Variants in UNC13C observed in about 807,000 individuals in gnomAD.
The protein encoded by UNC13C is unc-13 homolog C.
UNC13C carries 174 observed loss-of-function variants against 245.4 expected under a neutral mutation model. The ratio of observed to expected loss-of-function variants is 0.71; its 90% CI spans 0.63 to 0.80. UNC13C has a LOEUF of 0.80. UNC13C is among the 30% of genes least tolerant of loss of function. The probability of loss-of-function intolerance (pLI) is 0.00; values close to 1 mark genes in which losing one functional copy is unlikely to be tolerated. For missense variants in UNC13C, 2,829 were observed against 2,602.9 expected (o/e 1.09, Z -1.89); for synonymous variants, 992 against 895.1 (o/e 1.11, Z -1.93).
At chr15:54,167,206 T>A (rs940749994) in intron 4 of UNC13C, among the ~76,000 whole-genome samples, 1 of 151,730 alleles carries the variant, frequency 6.6e-6, no homozygotes, top group Non-Finnish European at 1.5e-5. Flanking sequence ...AGCAACCCAA[T>A]AGGAAAAGAG....
chr15:54,574,270 C>T (rs369821315), intron 30 of UNC13C, among the ~76,000 whole-genome samples: 8 of 152,082 alleles, frequency 5.3e-5, no homozygotes, highest in East Asian at 3.8e-4. Context: ...CAAAATTTGA[C>T]TCAGTGGTTT....
At chr15:54,404,130 CTT>C (rs2040244920) in intron 18 of UNC13C, among the ~76,000 whole-genome samples, 2 of 152,280 alleles carry the variant, frequency 1.3e-5, no homozygotes, top group Admixed American at 6.5e-5. Context: ...CAAACTGTCT[CTT>C]AAGTTCTAGC....
chr15:54,562,949 G>T (rs574477791), intron 29 of UNC13C, among the ~76,000 whole-genome samples: 1 of 152,100 alleles, frequency 6.6e-6, no homozygotes, highest in East Asian at 1.9e-4. Flanking sequence ...TTGATGCATG[G>T]TCAGATTTCA....
chr15:54,019,083 T>A (rs1298483028), intron 2 of UNC13C, among the ~76,000 whole-genome samples: 1 of 152,198 alleles, frequency 6.6e-6, no homozygotes, highest in Non-Finnish European at 1.5e-5. Flanking sequence ...GTTTACCTGT[T>A]TTTCATTCTT....
chr15:53,926,396 C>A, the UNC13C span, among the ~76,000 whole-genome samples: 1 of 151,846 alleles, frequency 6.6e-6, no homozygotes, highest in African/African-American at 2.4e-5. Context: ...TTCTTTTATT[C>A]TGTGGATCAA....
intron 1 of UNC13C, among the ~76,000 whole-genome samples, chr15:53,989,284 C>T (rs1371945894): frequency 2.0e-5 from 3 of 151,514 alleles, no homozygotes; most frequent in East Asian, 3.9e-4. Flanking sequence ...CAATTACAGT[C>T]CTGGAAAGCT....
At chr15:54,136,984 A>T (rs1006499403) in intron 2 of UNC13C, among the ~76,000 whole-genome samples, 2 of 151,928 alleles carry the variant, frequency 1.3e-5, no homozygotes, top group Non-Finnish European at 2.9e-5. Context: ...GTAGAGGTGT[A>T]CACCACCATG....
intron 19 of UNC13C, among the ~76,000 whole-genome samples, chr15:54,458,202 C>G (rs564859865): frequency 2.0e-5 from 3 of 151,952 alleles, no homozygotes; most frequent in East Asian, 3.9e-4. Flanking sequence ...TTTAATAGTT[C>G]CCTTTGGAGT....
chr15:54,321,861 G>A, intron 13 of UNC13C, 78 bp from the exon 14 acceptor site: 1 of 1,318,124 alleles, frequency 7.6e-7, no homozygotes, highest in South Asian at 1.4e-5. Context: ...GGAATTAATT[G>A]CTGATGTTAG....
At chr15:54,033,390 CAAG>C (rs987237213) in intron 2 of UNC13C, among the ~76,000 whole-genome samples, 1 of 152,008 alleles carries the variant, frequency 6.6e-6, no homozygotes, top group African/African-American at 2.4e-5. Context: ...AATTAAATGA[CAAG>C]AAAAAATTTT....
chr15:54,380,417 A>T (rs1005347111), intron 17 of UNC13C, among the ~76,000 whole-genome samples: 2 of 152,208 alleles, frequency 1.3e-5, no homozygotes, highest in African/African-American at 4.8e-5. Flanking sequence ...TATTGTGAAT[A>T]ATGCTACAAT....
Position 54,457,892 on chromosome 15 carries a change from G to GTTTTTTTTTTTTTTTCTT in UNC13C, c.4934-36703_4934-36702insTTCTTTTTTTTTTTTTTT, listed in dbSNP as rs34133938. ...TTCATGTAGTTCTGCTCTGCTTTTC[G>GTTTTTTTTTTTTTTTCTT]TTTTTTTTTTTTTCCTTTTTTTTTT... On this transcript the variant is annotated intron_variant, in intron 19 of 32. Coordinates refer to ENST00000260323, the MANE Select transcript of UNC13C (RefSeq NM_001080534.3). Among the ~76,000 whole-genome samples, 3 of 122,986 alleles carry GTTTTTTTTTTTTTTTCTT rather than the reference G, an allele frequency of 2.4e-5. 1 individual carries two copies. The highest frequency in any genetic ancestry group is 4.9e-5 in the Non-Finnish European group (3 of 60,826). 80.7% of individuals were successfully genotyped at this position (122,986 alleles called of 152,430 possible).
chr15:53,998,765 T>C (rs1304238553), intron 1 of UNC13C, among the ~76,000 whole-genome samples: 1 of 152,104 alleles, frequency 6.6e-6, no homozygotes, highest in Admixed American at 6.6e-5. Context: ...ATTAGATTGA[T>C]GATGTTTTCT....
At chr15:54,606,421 C>T (rs1899769567) in intron 30 of UNC13C, among the ~76,000 whole-genome samples, 1 of 152,112 alleles carries the variant, frequency 6.6e-6, no homozygotes, top group Non-Finnish European at 1.5e-5. Context: ...TCATGATGAT[C>T]CTATAAATCA....
At chr15:54,178,196 A>G (rs898363126) in intron 4 of UNC13C, among the ~76,000 whole-genome samples, 1 of 152,178 alleles carries the variant, frequency 6.6e-6, no homozygotes, top group African/African-American at 2.4e-5. Flanking sequence ...ATTGGCTGTA[A>G]GTTGATGATG....
chr15:54,512,323 C>A (rs544449710), intron 24 of UNC13C: 4 of 455,858 alleles, frequency 8.8e-6, no homozygotes, highest in South Asian at 3.1e-5. Context: ...TGTCCAACAT[C>A]TTTGACTTGC....
chr15:53,935,651 G>A, the UNC13C span, among the ~76,000 whole-genome samples: 5 of 152,276 alleles, frequency 3.3e-5, no homozygotes, highest in African/African-American at 1.2e-4. Context: ...CTAGGTGGGC[G>A]ACTCAACCCA....
intron 30 of UNC13C, among the ~76,000 whole-genome samples, chr15:54,601,678 G>T (rs1899435922): frequency 6.6e-6 from 1 of 152,062 alleles, no homozygotes; most frequent in African/African-American, 2.4e-5. Flanking sequence ...TCCCTTTGGG[G>T]ACCTGGTTGA....
chr15:54,203,787 G>GTGTATGT (rs1567094882), intron 4 of UNC13C, among the ~76,000 whole-genome samples: 5 of 108,484 alleles, frequency 4.6e-5, no homozygotes, highest in East Asian at 3.1e-4. Flanking sequence ...CACACATATA[G>GTGTATGT]ATATACACAT....
Sources: gnomAD v4.1 joint callset for allele counts (sites outside exome capture counted in the v4.1 genomes callset) on GRCh38, gnomAD v4.1.1 for gene constraint, MANE v1.5 for transcripts, NCBI Gene and HGNC (gene_info 2026-07-23, HGNC 2026-07-21) for gene names.